ARPC4: variants seen among roughly 807,000 people sequenced by gnomAD.
The protein encoded by ARPC4 is actin related protein 2/3 complex subunit 4.
ARPC4 carries 3 observed loss-of-function variants against 22.8 expected under a neutral mutation model. The ratio of observed to expected loss-of-function variants is 0.13; its 90% CI spans 0.06 to 0.34. The LOEUF is 0.34. ARPC4 is among the 10% of genes least tolerant of loss of function. ARPC4 has a pLI of 1.00. For missense variants in ARPC4, 98 were observed against 211.0 expected, an observed-to-expected ratio of 0.46 and a Z score of 3.32; for synonymous variants, 80 against 72.5, an observed-to-expected ratio of 1.10 and a Z score of -0.52.
chr3:9,796,992 T>A (rs1347465175), intron 1 of ARPC4, among the ~76,000 whole-genome samples: 2 of 150,194 alleles, frequency 1.3e-5, no homozygotes, highest in Non-Finnish European at 1.5e-5. Context: ...CTCCTCCTAA[T>A]CCCATTTCAC....
chr3:9,794,416 G>A (rs892718157), intron 1 of ARPC4, among the ~76,000 whole-genome samples: 1 of 152,068 alleles, frequency 6.6e-6, no homozygotes, highest in Non-Finnish European at 1.5e-5. Flanking sequence ...GGAGAATGGC[G>A]TGAACCCAGA....
intron 2 of ARPC4, chr3:9,799,842 C>T (rs1409396922): frequency 8.4e-6 from 4 of 478,016 alleles, no homozygotes; most frequent in Admixed American, 4.6e-5. Context: ...GTGCCAGGCA[C>T]GCTATTAGAC....
rs1166543909 is a variant in ARPC4 at position 9,801,642 on chromosome 3, T to G, written c.235-19T>G. On this transcript the variant is annotated intron_variant, in intron 3 of 5. Transcript: ENST00000397261. ...TGGGTGTCAGCTTTAGAGAAACATT[T>G]CTCTCTTGCACTCCCCAGGCTGATG... The G allele has an allele frequency of 1.3e-6, 2 of 1,588,482 alleles. No individual in the cohort carries two copies. Among genetic ancestry groups the G allele is most frequent in the African/African-American group, 2.7e-5 (2 of 74,380 alleles).
intron 4 of ARPC4, among the ~76,000 whole-genome samples, chr3:9,801,981 C>T (rs952609997): frequency 2.0e-5 from 3 of 152,118 alleles, no homozygotes; most frequent in South Asian, 4.1e-4. Flanking sequence ...TGGCTCATGC[C>T]TCTAATCCCA....
chr3:9,796,502 G>A (rs149967614), intron 1 of ARPC4, among the ~76,000 whole-genome samples: 11 of 152,290 alleles, frequency 7.2e-5, no homozygotes, highest in Non-Finnish European at 1.5e-4. Flanking sequence ...TAATTAAGCT[G>A]AGATCTGGAG....
At position 9,797,329 on chromosome 3, in the gene ARPC4, A is replaced by G. The variant is rs928151649; in HGVS notation, c.4-330A>G. Among the ~76,000 whole-genome samples, 8 of 152,142 alleles carry G rather than the reference A, an allele frequency of 5.3e-5. No individual in the cohort carries two copies. In the South Asian group the frequency reaches 1.0e-3, roughly 20 times the overall value. On this transcript the variant is annotated intron_variant, in intron 1 of 5. Coordinates refer to ENST00000397261, the MANE Select transcript of ARPC4 (RefSeq NM_005718.5). ...TAGTATGTTTAGTGGATATCTGTCC[A>G]CTGAATGCCTGCAGTTCCCCTTCTT...
At chr3:9,801,212 GAAAAAAAAAAAA>G (rs745696982) in intron 3 of ARPC4, among the ~76,000 whole-genome samples, 9 of 66,428 alleles carry the variant, frequency 1.4e-4, no homozygotes, top group African/African-American at 2.8e-4. Flanking sequence ...TTCCATCTCA[GAAAAAAAAAAAA>G]AAAAAAAAAA....
intron 4 of ARPC4, among the ~76,000 whole-genome samples, chr3:9,803,072 A>G (rs1465560443): frequency 2.0e-5 from 3 of 151,784 alleles, no homozygotes; most frequent in Non-Finnish European, 4.4e-5. Flanking sequence ...TTTAGTAGAG[A>G]CGGGGTTTCA....
intron 1 of ARPC4, among the ~76,000 whole-genome samples, chr3:9,796,800 G>C (rs1387413055): frequency 2.0e-5 from 3 of 152,070 alleles, no homozygotes; most frequent in African/African-American, 7.2e-5. Context: ...AGTTAGCCGG[G>C]TGTGGTGGTG....
intron 4 of ARPC4, among the ~76,000 whole-genome samples, chr3:9,802,237 CAAAAAAAAAA>C (rs1159841703): frequency 5.2e-4 from 26 of 50,282 alleles, no homozygotes; most frequent in African/African-American, 1.3e-3. Flanking sequence ...GACTCCGTCT[CAAAAAAAAAA>C]AAAAAAAAAA....
At chr3:9,793,501 C>A (rs1035729657) in intron 1 of ARPC4, among the ~76,000 whole-genome samples, 2 of 152,216 alleles carry the variant, frequency 1.3e-5, no homozygotes, top group South Asian at 2.1e-4. Context: ...AGTGGAACTT[C>A]ACGACATACG....
chr3:9,793,074 GGCTGGCC>G, upstream of ARPC4: 1 of 1,545,694 alleles, frequency 6.5e-7, no homozygotes, highest in Non-Finnish European at 8.7e-7. Flanking sequence ...GGCATCGCGG[GGCTGGCC>G]ACTTCCGTAC....
At chr3:9,802,378 C>CTTT (rs55659302) in intron 4 of ARPC4, among the ~76,000 whole-genome samples, 2 of 146,546 alleles carry the variant, frequency 1.4e-5, no homozygotes, top group Non-Finnish European at 1.5e-5. Flanking sequence ...GTCTCTCTCT[C>CTTT]TTTTTTTTTT....
In ARPC4 at chr3:9,793,143, C is replaced by G. The variant is rs889421209; in HGVS notation, c.3+19C>G. ...CGCGATGGTGAGAGAGCCGGGCCCC[C>G]GGCCAGGGACCCCCGGCTGTTCGGC... is the stretch of plus-strand genomic sequence containing the variant. On this transcript the variant is annotated intron_variant, in intron 1 of 5. Coordinates refer to ENST00000397261, the MANE Select transcript of ARPC4 (RefSeq NM_005718.5). The G allele has an allele frequency of 2.6e-6, 4 of 1,539,790 alleles. No individual in the cohort carries two copies. Among genetic ancestry groups the G allele is most frequent in the East Asian group, 2.5e-5 (1 of 40,436 alleles).
intron 2 of ARPC4, among the ~76,000 whole-genome samples, chr3:9,798,333 G>A (rs533191448): frequency 6.6e-5 from 10 of 151,788 alleles, no homozygotes; most frequent in African/African-American, 1.2e-4. Flanking sequence ...CCTGTAATCC[G>A]AGCACTTTAG....
At chr3:9,792,967 C>T, upstream of ARPC4, 1 of 1,419,404 alleles carries the variant, frequency 7.0e-7, no homozygotes, top group Non-Finnish European at 9.2e-7. Flanking sequence ...CCGGAAGGCC[C>T]AAGCGTTCGT....
At position 9,803,975 on chromosome 3, in the gene ARPC4, G is replaced by A; in HGVS notation, c.463G>A (p.Ala155Thr). Residue 155 changes from alanine to threonine, a missense_variant, in exon 5 of 6, where the codon GCC (alanine) becomes ACC (threonine). Transcript: ENST00000397261. ...EISEMKLSVN[A>T]RARIVAEEFL... ...CAGTGAGATGAAGCTGTCAGTCAAT[G>A]CCCGTGCCCGCATTGTGGCTGAAGA... The A allele has an allele frequency of 6.2e-7, 1 of 1,614,224 alleles. No homozygotes were observed. Among genetic ancestry groups the A allele is most frequent in the Non-Finnish European group, 8.5e-7 (1 of 1,180,044 alleles).
intron 4 of ARPC4, among the ~76,000 whole-genome samples, chr3:9,803,172 C>T (rs1260388379): frequency 5.9e-5 from 9 of 152,190 alleles, no homozygotes; most frequent in East Asian, 3.9e-4. Flanking sequence ...CGTGAGCCAC[C>T]GCGCCCGGCC....
At chr3:9,801,790 C>T in intron 4 of ARPC4, 34 bp downstream of exon 4, 1 of 1,559,348 alleles carries the variant, frequency 6.4e-7, no homozygotes, top group Non-Finnish European at 8.7e-7. Flanking sequence ...TTGCGATACC[C>T]AGGACCCTGT....
Sources: gnomAD v4.1 joint callset for allele counts (sites outside exome capture counted in the v4.1 genomes callset) on GRCh38, gnomAD v4.1.1 for gene constraint, MANE v1.5 for transcripts, NCBI Gene and HGNC (gene_info 2026-07-23, HGNC 2026-07-21) for gene names.